Variants in SLC41A2 observed in about 807,000 individuals in gnomAD.
The protein encoded by SLC41A2 is solute carrier family 41 member 2.
SLC41A2 carries 32 observed loss-of-function variants against 58.3 expected under a neutral mutation model. The observed-to-expected ratio is 0.55, with a 90% CI of 0.41 to 0.74. The LOEUF (loss-of-function observed/expected upper bound fraction) is 0.74. Ranked by LOEUF, SLC41A2 falls within the 30% of genes least tolerant of loss-of-function variation. The probability of loss-of-function intolerance (pLI) is 0.00; values close to 1 mark genes in which losing one functional copy is unlikely to be tolerated. For missense variants in SLC41A2, 514 were observed against 680.6 expected (o/e 0.76, Z 2.72); for synonymous variants, 190 against 235.0 (o/e 0.81, Z 1.75).
chr12:104,952,659 A>G (rs762903197), intron 1 of SLC41A2, among the ~76,000 whole-genome samples: 1 of 152,194 alleles, frequency 6.6e-6, no homozygotes, highest in East Asian at 1.9e-4. Context: ...TCCAGTAAGT[A>G]TCTATGAGTG....
intron 10 of SLC41A2, among the ~76,000 whole-genome samples, chr12:104,827,496 A>T (rs2041888479): frequency 1.3e-5 from 2 of 152,228 alleles, no homozygotes; most frequent in South Asian, 4.1e-4. Flanking sequence ...CTCCCATATA[A>T]GGTTTAATTT....
chr12:104,804,247 G>GTGTT lies in SLC41A2; in HGVS notation c.*901_*904dup, dbSNP rs1217146866. ...AATGACAAAAACATGTTAATAGAAT[G>GTGTT]TGTTTAAGAATAACTCTATATTGCT... On this transcript the variant is annotated 3_prime_UTR_variant, in exon 11 of 11. Transcript: ENST00000258538. The GTGTT allele has an allele frequency of 1.3e-5, 2 of 149,836 alleles. No individual in the cohort carries two copies. Among genetic ancestry groups the GTGTT allele is most frequent in the Middle Eastern group, 3.2e-3 (1 of 314 alleles). 9.3% of individuals were successfully genotyped at this position (149,836 alleles called of 1,614,324 possible). A position where few individuals can be genotyped will look rare whatever the true frequency, so the allele number is the denominator to read the frequency against.
chr12:104,833,000 A>G (rs1048478287), intron 10 of SLC41A2, among the ~76,000 whole-genome samples: 2 of 152,228 alleles, frequency 1.3e-5, no homozygotes, highest in Non-Finnish European at 2.9e-5. Flanking sequence ...ATGCTGATTG[A>G]CACTTAAACT....
At chr12:104,839,176 A>C (rs1318509600) in intron 10 of SLC41A2, among the ~76,000 whole-genome samples, 1 of 152,210 alleles carries the variant, frequency 6.6e-6, no homozygotes, top group East Asian at 1.9e-4. Context: ...AATAGTTTAA[A>C]TTCATTGTTA....
intron 4 of SLC41A2, among the ~76,000 whole-genome samples, chr12:104,893,184 A>T (rs188828834): frequency 6.6e-6 from 1 of 152,316 alleles, no homozygotes; most frequent in East Asian, 1.9e-4. Context: ...TGATTTTAAA[A>T]CAGGCAAAAG....
At chr12:104,910,868 T>C (rs2046054236) in intron 2 of SLC41A2, among the ~76,000 whole-genome samples, 1 of 152,200 alleles carries the variant, frequency 6.6e-6, no homozygotes, top group South Asian at 2.1e-4. Context: ...AAATCTACAT[T>C]CTGTAGCAAA....
At chr12:104,872,810 A>G (rs2043853158) in intron 6 of SLC41A2, among the ~76,000 whole-genome samples, 2 of 152,234 alleles carry the variant, frequency 1.3e-5, no homozygotes, top group African/African-American at 2.4e-5. Context: ...GAAAGCTAAC[A>G]GCACATGAGG....
chr12:104,821,035 T>C (rs1213467110), intron 10 of SLC41A2, among the ~76,000 whole-genome samples: 1 of 152,242 alleles, frequency 6.6e-6, no homozygotes, highest in Non-Finnish European at 1.5e-5. Context: ...CAATCTTCTA[T>C]ATTGTTATAC....
intron 1 of SLC41A2, among the ~76,000 whole-genome samples, chr12:104,952,940 A>C (rs76100647): frequency 0.041 from 6,226 of 152,272 alleles, 175 homozygotes; most frequent in East Asian, 0.11. Context: ...CTCATAGATA[A>C]GTTCTCCTTC....
At chr12:104,877,616 T>C (rs2044114188) in intron 6 of SLC41A2, among the ~76,000 whole-genome samples, 1 of 152,236 alleles carries the variant, frequency 6.6e-6, no homozygotes, top group African/African-American at 2.4e-5. Flanking sequence ...CATCACTATA[T>C]AACATTCGAA....
At chr12:104,805,697 T>TTAAA (rs1206440236) in intron 10 of SLC41A2, among the ~76,000 whole-genome samples, 1 of 152,154 alleles carries the variant, frequency 6.6e-6, no homozygotes, top group Non-Finnish European at 1.5e-5. Flanking sequence ...AAATAAAAAT[T>TTAAA]TAAATAAGGA....
chr12:104,880,727 A>G (rs2044322879), intron 6 of SLC41A2, among the ~76,000 whole-genome samples: 1 of 152,156 alleles, frequency 6.6e-6, no homozygotes, highest in African/African-American at 2.4e-5. Flanking sequence ...CCAGTATTTT[A>G]TTGAGGATTT....
At chr12:104,941,218 G>T (rs1290729205) in intron 1 of SLC41A2, among the ~76,000 whole-genome samples, 1 of 152,134 alleles carries the variant, frequency 6.6e-6, no homozygotes, top group Non-Finnish European at 1.5e-5. Context: ...ACACAATTTT[G>T]CTACTGATAC....
chr12:104,845,736 A>G (rs2042577021), intron 9 of SLC41A2, 107 bp downstream of exon 9: 1 of 1,200,888 alleles, frequency 8.3e-7, no homozygotes, highest in South Asian at 2.1e-5. Flanking sequence ...GAAATCGGAA[A>G]GTTGAGCAAC....
chr12:104,816,333 A>G lies in SLC41A2; in HGVS notation c.1537-10996T>C, dbSNP rs79752750. On this transcript the variant is annotated intron_variant, in intron 10 of 10. Coordinates refer to ENST00000258538, the MANE Select transcript of SLC41A2 (RefSeq NM_001352171.3). ...GACCTACCAACAGAAAACGATGTAA[A>G]ATGTTCAATAAAATACAAAAACTAT... Among the ~76,000 whole-genome samples the G allele has an allele frequency of 6.0e-3, 908 of 152,330 alleles. 17 individuals are homozygous for G. The highest frequency in any genetic ancestry group is 0.021 in the African/African-American group (854 of 41,562).
At chr12:104,831,233 C>T (rs1330136106) in intron 10 of SLC41A2, among the ~76,000 whole-genome samples, 1 of 152,062 alleles carries the variant, frequency 6.6e-6, no homozygotes, top group East Asian at 1.9e-4. Context: ...AAATTAAAAT[C>T]TCTTTCTCTC....
At chr12:104,886,493 C>T in intron 5 of SLC41A2, 54 bp from the exon 6 acceptor site, 2 of 1,551,318 alleles carry the variant, frequency 1.3e-6, no homozygotes, top group Admixed American at 1.7e-5. Flanking sequence ...GAAAATCAAT[C>T]CCCCAAATAC....
chr12:104,873,223 C>G (rs961544590), intron 6 of SLC41A2, among the ~76,000 whole-genome samples: 9 of 152,016 alleles, frequency 5.9e-5, no homozygotes, highest in African/African-American at 2.2e-4. Context: ...TTCTACTCTT[C>G]GTTCCTATGT....
At chr12:104,895,441 T>A in intron 3 of SLC41A2, 96 bp from the exon 4 acceptor site, 1 of 817,192 alleles carries the variant, frequency 1.2e-6, no homozygotes, top group Non-Finnish European at 2.0e-6. Context: ...CCAAAATAAT[T>A]CTTCAGTAAA....
Sources: allele counts gnomAD v4.1 joint callset (sites outside exome capture counted in the v4.1 genomes callset), GRCh38; gene constraint gnomAD v4.1.1; transcripts MANE v1.5; gene names NCBI Gene and HGNC (gene_info 2026-07-23, HGNC 2026-07-21).